Variants in ZMYM5 observed in about 807,000 individuals in gnomAD.
ZMYM5 encodes the protein zinc finger MYM-type protein 5.
In ZMYM5, 41 loss-of-function variants were observed where a neutral mutation model predicts 61.8. That is an observed-to-expected ratio of 0.66 (90% CI 0.52 to 0.86). The LOEUF (loss-of-function observed/expected upper bound fraction) is 0.86, where lower values mean the gene tolerates loss of function less well. Among genes scored for constraint, ZMYM5 ranks in the 40% least tolerant of loss-of-function variants. ZMYM5 has a pLI of 0.00. For synonymous variants in ZMYM5, 257 were observed against 276.4 expected (o/e 0.93, Z 0.70); for missense variants, 706 against 786.7 (o/e 0.90, Z 1.23).
chr13:19,843,092 A>G (rs1407456700), intron 4 of ZMYM5, among the ~76,000 whole-genome samples: 2 of 151,534 alleles, frequency 1.3e-5, no homozygotes, highest in Admixed American at 1.3e-4. Context: ...CTGCAATTAC[A>G]GGCGTGAGCC....
At chr13:19,826,876 A>G (rs890483756) in intron 7 of ZMYM5, among the ~76,000 whole-genome samples, 1 of 152,244 alleles carries the variant, frequency 6.6e-6, no homozygotes, top group Non-Finnish European at 1.5e-5. Context: ...AGATGAAAGA[A>G]TAGATAAAAA....
chr13:19,845,154 A>C (rs1468941772), intron 4 of ZMYM5, among the ~76,000 whole-genome samples: 1 of 152,206 alleles, frequency 6.6e-6, no homozygotes, highest in Non-Finnish European at 1.5e-5. Flanking sequence ...AAACATTAAC[A>C]GATAATTATA....
chr13:19,826,712 C>A (rs1890933993), intron 7 of ZMYM5, among the ~76,000 whole-genome samples: 1 of 151,474 alleles, frequency 6.6e-6, no homozygotes, highest in South Asian at 2.1e-4. Flanking sequence ...CAAGATCTCG[C>A]CACTGCACTC....
At chr13:19,844,454 T>C (rs1953005066) in intron 4 of ZMYM5, among the ~76,000 whole-genome samples, 1 of 152,320 alleles carries the variant, frequency 6.6e-6, no homozygotes, top group East Asian at 1.9e-4. Context: ...TAATAAGACA[T>C]GTACATAGTA....
Position 19,851,865 on chromosome 13 carries a change from A to G in ZMYM5, c.316T>C (p.Leu106=). Residue 106 remains leucine, a synonymous_variant, in exon 3 of 8, where the codon TTG becomes CTG. Transcript: ENST00000337963. ...YSVIPPSSRD[L]ASQKGNISET... is the part of the protein sequence containing the mutation. ...CTTATATTTCCTTTCTGAGATGCCA[A>G]ATCTCTTGAAGAAGGAGGAATTACA... 6.2e-7 allele frequency: 1 copy of G among 1,612,034 alleles called. No homozygotes were observed.
At chr13:19,861,552 A>G (rs536051947) in intron 2 of ZMYM5, among the ~76,000 whole-genome samples, 2 of 152,358 alleles carry the variant, frequency 1.3e-5, no homozygotes, top group East Asian at 3.9e-4. Context: ...GTTAGTAGAA[A>G]GCAACTAGGG....
intron 6 of ZMYM5, among the ~76,000 whole-genome samples, chr13:19,836,044 G>A (rs977184074): frequency 2.0e-5 from 3 of 152,000 alleles, no homozygotes; most frequent in African/African-American, 7.2e-5. Context: ...GGCTGGTATC[G>A]AACTCCTGAC....
chr13:19,843,935 C>T (rs1190328632), intron 4 of ZMYM5, among the ~76,000 whole-genome samples: 1 of 151,414 alleles, frequency 6.6e-6, no homozygotes, highest in Non-Finnish European at 1.5e-5. Flanking sequence ...GGGATCGGAC[C>T]ATCCTGGCTA....
At chr13:19,832,960 C>T (rs559829391) in intron 7 of ZMYM5, among the ~76,000 whole-genome samples, 44 of 140,984 alleles carry the variant, frequency 3.1e-4, no homozygotes, top group Middle Eastern at 3.9e-3. Flanking sequence ...TCTCCAACTC[C>T]TGGACTAGTG....
rs2138465118 is a variant in ZMYM5 at position 19,824,318 on chromosome 13, T to G, written c.*159A>C. ...AGTTTTAGATTTAGAATGGAAACAT[T>G]CTTTGCTATTTATTTGCTATCATAC... is the stretch of plus-strand genomic sequence containing the variant. On this transcript the variant is annotated 3_prime_UTR_variant, in exon 8 of 8. Transcript: ENST00000337963. 2.4e-6 allele frequency: 1 copy of G among 411,410 alleles called. No homozygotes were observed. Among genetic ancestry groups the G allele is most frequent in the Non-Finnish European group, 3.4e-6 (1 of 295,312 alleles). 25.5% of individuals were successfully genotyped at this position (411,410 alleles called of 1,614,324 possible).
chr13:19,843,960 CCT>C (rs1034996141), intron 4 of ZMYM5, among the ~76,000 whole-genome samples: 7 of 151,460 alleles, frequency 4.6e-5, no homozygotes, highest in Non-Finnish European at 8.8e-5. Context: ...ATGGTGAAAC[CCT>C]GTCTCTTCCA....
intron 7 of ZMYM5, among the ~76,000 whole-genome samples, chr13:19,831,032 G>A (rs112575613): frequency 0.098 from 14,912 of 151,640 alleles, 868 homozygotes; most frequent in African/African-American, 0.16. Context: ...GTAGAGACAG[G>A]GTTTCACCGT....
intron 2 of ZMYM5, among the ~76,000 whole-genome samples, chr13:19,853,877 T>C (rs558817954): frequency 6.6e-6 from 1 of 151,862 alleles, no homozygotes; most frequent in African/African-American, 2.4e-5. Context: ...CTACCAGGCC[T>C]GGCCTCTGGC....
chr13:19,830,191 T>C lies in ZMYM5; in HGVS notation c.1252-4956A>G, dbSNP rs911308048. On this transcript the variant is annotated intron_variant, in intron 7 of 7. Coordinates refer to ENST00000337963, the MANE Select transcript of ZMYM5 (RefSeq NM_001142684.2). ...TGTCTACATTTTATGACGTGTATGT[T>C]ATTCAGCAATAAGCTACTAAGTGCA... Among the ~76,000 whole-genome samples, 6 of 152,316 alleles carry C rather than the reference T, an allele frequency of 3.9e-5. No individual in the cohort carries two copies. The South Asian group carries it at 8.3e-4, about 21-fold the overall frequency.
chr13:19,856,452 C>A (rs1953514038), intron 2 of ZMYM5, among the ~76,000 whole-genome samples: 1 of 151,566 alleles, frequency 6.6e-6, no homozygotes, highest in Admixed American at 6.6e-5. Context: ...ACCAGCCTGA[C>A]CAACATGGAG....
chr13:19,839,677 A>C (rs1357546049), intron 4 of ZMYM5, among the ~76,000 whole-genome samples: 1 of 152,126 alleles, frequency 6.6e-6, no homozygotes, highest in African/African-American at 2.4e-5. Context: ...CTCCCAGCCT[A>C]ATCACATCTT....
intron 7 of ZMYM5, among the ~76,000 whole-genome samples, chr13:19,831,127 TA>T (rs1456305559): frequency 6.0e-5 from 4 of 67,092 alleles, no homozygotes; most frequent in Non-Finnish European, 7.9e-5. Context: ...ACACCCAGCC[TA>T]TTTTTTTTTT....
At chr13:19,836,145 A>G (rs1952668704) in intron 6 of ZMYM5, among the ~76,000 whole-genome samples, 1 of 152,202 alleles carries the variant, frequency 6.6e-6, no homozygotes, top group South Asian at 2.1e-4. Flanking sequence ...TTTAAAAAGC[A>G]TATTTTATTT....
intron 4 of ZMYM5, among the ~76,000 whole-genome samples, chr13:19,848,278 C>T (rs184708238): frequency 1.3e-5 from 2 of 152,080 alleles, no homozygotes; most frequent in Admixed American, 1.3e-4. Flanking sequence ...AGCCACCACA[C>T]CCAGGTAATT....
Sources: allele counts gnomAD v4.1 joint callset (sites outside exome capture counted in the v4.1 genomes callset), GRCh38; gene constraint gnomAD v4.1.1; transcripts MANE v1.5; gene names NCBI Gene and HGNC (gene_info 2026-07-23, HGNC 2026-07-21).